The following MIER1 variants were observed in gnomAD, a reference collection of about 807,000 sequenced individuals.
MIER1 encodes mesoderm induction early response protein 1.
In MIER1, 40 loss-of-function variants were observed where a neutral mutation model predicts 75.7. The ratio of observed to expected loss-of-function variants is 0.53; its 90% CI spans 0.41 to 0.69. The LOEUF is 0.69. Among genes scored for constraint, MIER1 ranks in the 30% least tolerant of loss-of-function variants. The pLI is 0.00. For synonymous variants in MIER1, 213 were observed against 223.4 expected (o/e 0.95, Z 0.42); for missense variants, 574 against 680.2 (o/e 0.84, Z 1.74).
At chr1:66,971,847 A>G (rs1663666228) in intron 10 of MIER1, 111 bp downstream of exon 10, 1 of 558,644 alleles carries the variant, frequency 1.8e-6, no homozygotes, top group African/African-American at 1.9e-5. Flanking sequence ...TCTGAGTTTG[A>G]TAAATATTTA....
At chr1:66,975,992 G>T (rs11208977) in intron 11 of MIER1, among the ~76,000 whole-genome samples, 28,987 of 150,424 alleles carry the variant, frequency 0.19, 5,148 homozygotes, top group African/African-American at 0.48. Context: ...CCTTTTTTTT[G>T]TGTGTGTGTG....
intron 3 of MIER1, among the ~76,000 whole-genome samples, chr1:66,945,218 G>A (rs925256530): frequency 1.1e-4 from 16 of 144,956 alleles, no homozygotes; most frequent in African/African-American, 3.0e-4. Context: ...TAGTATTTGC[G>A]TGTAACCTAT....
rs936745206 is a variant in MIER1, at chr1:66,930,456, C to T, written c.168+4214C>T. 60 of 1,582,098 alleles carry T rather than the reference C, an allele frequency of 3.8e-5. 2 individuals carry two copies. The Middle Eastern group carries it at 3.6e-3, about 95-fold the overall frequency. On this transcript the variant is annotated intron_variant, in intron 2 of 13. Coordinates refer to ENST00000401041, the MANE Select transcript of MIER1 (RefSeq NM_001077700.3). ...GGAGCCGGGCGCCCCCGGCCCTGGG[C>T]CGGGGAGGAGTGGAGTGGGCCTGGC...
intron 2 of MIER1, among the ~76,000 whole-genome samples, chr1:66,931,965 G>A (rs1653498398): frequency 6.6e-6 from 1 of 152,060 alleles, no homozygotes; most frequent in Admixed American, 6.6e-5. Context: ...GCTTTGAGGT[G>A]TGTAGTCATA....
chr1:66,926,685 C>T (rs1651874947), intron 2 of MIER1, among the ~76,000 whole-genome samples: 1 of 152,230 alleles, frequency 6.6e-6, no homozygotes, highest in East Asian at 1.9e-4. Flanking sequence ...ATCATAAAGA[C>T]ATGGTGTAGG....
chr1:66,926,363 CA>C, intron 2 of MIER1, 121 bp downstream of exon 2: 1 of 684,126 alleles, frequency 1.5e-6, no homozygotes, highest in Non-Finnish European at 2.5e-6. Flanking sequence ...CAAAAATTTC[CA>C]GAATTTGGGT....
intron 4 of MIER1, among the ~76,000 whole-genome samples, chr1:66,956,086 A>G (rs993143961): frequency 1.3e-5 from 2 of 152,210 alleles, no homozygotes; most frequent in African/African-American, 4.8e-5. Context: ...TGCCTGACAC[A>G]TAGAAGATAC....
At chr1:66,943,801 G>A (rs540288102) in intron 3 of MIER1, among the ~76,000 whole-genome samples, 94 of 152,238 alleles carry the variant, frequency 6.2e-4, no homozygotes, top group African/African-American at 2.2e-3. Context: ...GCATTCACTC[G>A]TCTTAGTACA....
chr1:66,978,476 G>A (rs1418112800), intron 12 of MIER1, among the ~76,000 whole-genome samples: 1 of 151,976 alleles, frequency 6.6e-6, no homozygotes, highest in East Asian at 1.9e-4. Flanking sequence ...TAGCAGTATT[G>A]CAAATTTTAT....
intron 11 of MIER1, among the ~76,000 whole-genome samples, chr1:66,975,532 AAAAG>A (rs1664528561): frequency 7.0e-6 from 1 of 142,228 alleles, no homozygotes; most frequent in South Asian, 2.2e-4. Context: ...TCTCAAAAAA[AAAAG>A]AAAAAGAAAG....
chr1:66,929,006 T>C (rs1337151037), intron 2 of MIER1: 3 of 1,205,998 alleles, frequency 2.5e-6, no homozygotes, highest in Non-Finnish European at 3.6e-6. Flanking sequence ...TATCTGTAAA[T>C]GCAGTTTATT....
chr1:66,950,769 C>A (rs1444305108), intron 4 of MIER1, among the ~76,000 whole-genome samples: 2 of 151,488 alleles, frequency 1.3e-5, no homozygotes, highest in Non-Finnish European at 2.9e-5. Flanking sequence ...GAGTTCAGTG[C>A]CTTCATTCCT....
chr1:66,946,702 A>G (rs1657734425), intron 4 of MIER1: 18 of 987,244 alleles, frequency 1.8e-5, no homozygotes, highest in Non-Finnish European at 2.2e-5. Flanking sequence ...GCTCTAGATT[A>G]TCTCCACTAC....
intron 4 of MIER1, among the ~76,000 whole-genome samples, chr1:66,954,181 G>A (rs1186100330): frequency 6.6e-6 from 1 of 152,146 alleles, no homozygotes; most frequent in Admixed American, 6.5e-5. Flanking sequence ...TGTAGTGAAT[G>A]ATAGCAGTGG....
intron 2 of MIER1, chr1:66,932,642 A>C (rs865847924): frequency 6.6e-6 from 1 of 152,194 alleles, no homozygotes; most frequent in Admixed American, 6.5e-5. Context: ...TATGAAGCCA[A>C]TATAAAAGCA....
At chr1:66,930,621 G>A (rs561653327) in intron 2 of MIER1, among the ~76,000 whole-genome samples, 10 of 152,130 alleles carry the variant, frequency 6.6e-5, no homozygotes, top group African/African-American at 2.2e-4. Flanking sequence ...GGACTTCGGG[G>A]GCAGTTTGAA....
At position 66,958,175 on chromosome 1, in the gene MIER1, A is replaced by T. The variant is rs760177310; in HGVS notation, c.456A>T (p.Glu152Asp). The T allele has an allele frequency of 1.9e-6, 3 of 1,603,460 alleles. No homozygotes were observed. The highest frequency in any genetic ancestry group is 2.6e-6 in the Non-Finnish European group (3 of 1,170,572). ...EEEEEEGEDDEDADNDDNSGC... is the reference protein window; with the variant it reads ...EEEEEEGEDDDDADNDDNSGC... ...AGGAAGAAGAAGGTGAAGATGATGA[A>T]GATGCTGATAATGATGACAACAGTG... Residue 152 changes from glutamate (E) to aspartate (D), a missense_variant, in exon 5 of 14, where the codon GAA becomes GAT. This residue lies in a region of MIER1 where 309 missense variants were observed against 352.8 expected (regional missense o/e 0.88). Coordinates refer to ENST00000401041, the MANE Select transcript of MIER1 (RefSeq NM_001077700.3).
intron 12 of MIER1, among the ~76,000 whole-genome samples, chr1:66,977,723 G>C (rs1413216615): frequency 6.6e-6 from 1 of 151,916 alleles, no homozygotes; most frequent in Non-Finnish European, 1.5e-5. Context: ...TTCATGAATT[G>C]CTTTAAAATG....
chr1:66,930,773 A>G (rs565279966), intron 2 of MIER1, among the ~76,000 whole-genome samples: 1 of 152,074 alleles, frequency 6.6e-6, no homozygotes, highest in Non-Finnish European at 1.5e-5. Flanking sequence ...TTCCCTTCCT[A>G]ACCGAGATGC....
Sources: allele counts gnomAD v4.1 joint callset (sites outside exome capture counted in the v4.1 genomes callset), GRCh38; gene constraint gnomAD v4.1.1; regional missense constraint gnomAD v4.1.1; transcripts MANE v1.5; gene names NCBI Gene and HGNC (gene_info 2026-07-23, HGNC 2026-07-21).